NCOA3: variants seen among roughly 807,000 people sequenced by gnomAD.
NCOA3 encodes the protein nuclear receptor coactivator 3, also known as CBP-interacting protein.
A neutral mutation model predicts 158.8 loss-of-function variants in NCOA3; 51 were observed. That is an observed-to-expected ratio of 0.32 (90% CI 0.26 to 0.41). The LOEUF is 0.41. Ranked by LOEUF, NCOA3 falls within the 10% of genes least tolerant of loss-of-function variation. NCOA3 has a pLI of 1.00. For synonymous variants in NCOA3, 537 were observed against 592.4 expected (o/e 0.91, Z 1.36); for missense variants, 1,510 against 1,746.6 (o/e 0.86, Z 2.41).
At chr20:47,539,302 C>T (rs971956199) in intron 1 of NCOA3, among the ~76,000 whole-genome samples, 1 of 152,100 alleles carries the variant, frequency 6.6e-6, no homozygotes, top group African/African-American at 2.4e-5. Flanking sequence ...GTCATACCAT[C>T]GTACTATATG....
At chr20:47,568,836 TC>T (rs570567803) in intron 1 of NCOA3, among the ~76,000 whole-genome samples, 42 of 152,230 alleles carry the variant, frequency 2.8e-4, no homozygotes, top group Admixed American at 2.5e-3. Context: ...TGATTGATCA[TC>T]TTAACATTTA....
At chr20:47,635,213 G>A in intron 10 of NCOA3, 109 bp from the exon 11 acceptor site, 2 of 1,093,278 alleles carry the variant, frequency 1.8e-6, no homozygotes, top group South Asian at 3.6e-5. Context: ...ATAGGTGTTA[G>A]CCACTGTAGC....
chr20:47,505,003 G>GTTTTGTTTTTTTTTTTTTTTTTT (rs2084004592), intron 1 of NCOA3, among the ~76,000 whole-genome samples: 1 of 28,550 alleles, frequency 3.5e-5, no homozygotes, highest in Non-Finnish European at 5.4e-5. Flanking sequence ...TGGGTTTTTG[G>GTTTTGTTTTTTTTTTTTTTTTTT]TTTTTTTTTT....
At position 47,565,375 on chromosome 20, in the gene NCOA3, G is replaced by A. The variant is rs543557710; in HGVS notation, c.-98-17808G>A. Among the ~76,000 whole-genome samples the A allele has an allele frequency of 1.5e-3, 224 of 152,260 alleles. 2 individuals carry two copies. Among genetic ancestry groups the A allele is most frequent in the African/African-American group, 5.1e-3 (211 of 41,556 alleles). ...ATCCAGAGGCAGTGTCACTGGTAGG[G>A]AGGATCTCGATTATTTAGTCTTTGT... On this transcript the variant is annotated intron_variant, in intron 1 of 22. Transcript: ENST00000371998.
intron 2 of NCOA3, among the ~76,000 whole-genome samples, chr20:47,603,656 G>A (rs976638913): frequency 6.6e-6 from 1 of 152,228 alleles, no homozygotes; most frequent in Non-Finnish European, 1.5e-5. Flanking sequence ...GGATGGATGA[G>A]GAGCTGGAAA....
At chr20:47,563,895 A>G (rs959196060) in intron 1 of NCOA3, among the ~76,000 whole-genome samples, 1 of 150,512 alleles carries the variant, frequency 6.6e-6, no homozygotes, top group Non-Finnish European at 1.5e-5. Flanking sequence ...TCTCAAAAAA[A>G]AAAAAAAAAG....
chr20:47,547,675 C>T (rs910111350), intron 1 of NCOA3, among the ~76,000 whole-genome samples: 10 of 151,934 alleles, frequency 6.6e-5, no homozygotes, highest in Non-Finnish European at 1.2e-4. Context: ...GCCTCGGCCT[C>T]CCAAAGTGCT....
At chr20:47,622,921 T>A (rs916208705) in intron 3 of NCOA3, 1 of 152,030 alleles carries the variant, frequency 6.6e-6, no homozygotes, top group Non-Finnish European at 1.5e-5. Context: ...TGGAATGTCA[T>A]CAGTTAAGGC....
intron 9 of NCOA3, 79 bp from the exon 10 acceptor site, chr20:47,633,969 A>G (rs747240655): frequency 2.0e-6 from 3 of 1,512,718 alleles, no homozygotes; most frequent in Non-Finnish European, 2.7e-6. Context: ...TACTTGAAGT[A>G]TATTTCCTCC....
chr20:47,642,165 T>C lies in NCOA3; in HGVS notation c.3081-48T>C, dbSNP rs777028207. The C allele has an allele frequency of 2.1e-6, 3 of 1,403,778 alleles. No individual in the cohort carries two copies. In the South Asian group the frequency reaches 4.4e-5, roughly 21 times the overall value. The allele number at this position is 1,403,778 out of a possible 1,614,324, so 87.0% of individuals were successfully genotyped here. A position where few individuals can be genotyped will look rare whatever the true frequency, so the allele number is the denominator to read the frequency against. On this transcript the variant is annotated intron_variant, in intron 16 of 22. Coordinates refer to ENST00000371998, the MANE Select transcript of NCOA3 (RefSeq NM_181659.3). ...CATGGTTGCTGTGATCTATTACTCT[T>C]AGAAAAAAAAAAAGCACCATTGACA...
At chr20:47,524,660 G>GAC in intron 1 of NCOA3, among the ~76,000 whole-genome samples, 1 of 152,320 alleles carries the variant, frequency 6.6e-6, no homozygotes, top group East Asian at 1.9e-4. Context: ...CAGAGACAGA[G>GAC]GGAGGGGGCT....
intron 1 of NCOA3, among the ~76,000 whole-genome samples, chr20:47,523,754 T>G (rs562663945): frequency 8.5e-5 from 13 of 152,378 alleles, no homozygotes; most frequent in African/African-American, 2.9e-4. Flanking sequence ...TCAGCGATAG[T>G]GAAACTTTCA....
chr20:47,614,768 G>C (rs182070430), intron 2 of NCOA3, among the ~76,000 whole-genome samples: 7 of 152,240 alleles, frequency 4.6e-5, no homozygotes, highest in Admixed American at 4.6e-4. Context: ...AGACCACCAC[G>C]AAGGGCAGTT....
At position 47,547,400 on chromosome 20, in the gene NCOA3, T is replaced by A. The variant is rs1038933590; in HGVS notation, c.-98-35783T>A. Among the ~76,000 whole-genome samples, 5 of 140,162 alleles carry A rather than the reference T, an allele frequency of 3.6e-5. No individual in the cohort carries two copies. The East Asian group carries it at 1.1e-3, about 30-fold the overall frequency. 92.0% of individuals were successfully genotyped at this position (140,162 alleles called of 152,430 possible). On this transcript the variant is annotated intron_variant, in intron 1 of 22. Transcript: ENST00000371998. Reference sequence around the variant, plus strand: ...CTAGTTTTTGTTGATTTTATTTTATTTTTATATTATTATTATTATTATTAT... The same window carrying A: ...CTAGTTTTTGTTGATTTTATTTTATATTTATATTATTATTATTATTATTAT...
rs1483909054 is a variant in NCOA3 at position 47,511,538 on chromosome 20, T to C, written c.-99+9519T>C. Among the ~76,000 whole-genome samples the C allele has an allele frequency of 3.8e-4, 9 of 23,378 alleles. No individual in the cohort carries two copies. The East Asian group carries it at 0.018, about 47-fold the overall frequency. 15.3% of individuals were successfully genotyped at this position (23,378 alleles called of 152,430 possible). On this transcript the variant is annotated intron_variant, in intron 1 of 22. Coordinates refer to ENST00000371998, the MANE Select transcript of NCOA3 (RefSeq NM_181659.3). ...ATCTCTCTCGAGATATATATATATATATATATATATATATATATTTCTTTT... is the reference window on the plus strand; with the variant it reads ...ATCTCTCTCGAGATATATATATATACATATATATATATATATATTTCTTTT...
rs200459718 is a variant in NCOA3, at chr20:47,547,410, T to TTAA, written c.-98-35771_-98-35770insATA. ...TTGATTTTATTTTATTTTTATATTA[T>TTAA]TATTATTATTATTATTATTTTAGAC... On this transcript the variant is annotated intron_variant, in intron 1 of 22. Transcript: ENST00000371998. 4.1e-3 allele frequency among the ~76,000 whole-genome samples: 610 copies of TTAA among 150,484 alleles called. 3 individuals are homozygous for TTAA. Among genetic ancestry groups the TTAA allele is most frequent in the Non-Finnish European group, 6.1e-3 (412 of 67,610 alleles).
At chr20:47,633,704 C>T in intron 9 of NCOA3, 68 bp downstream of exon 9, 1 of 1,524,416 alleles carries the variant, frequency 6.6e-7, no homozygotes, top group Non-Finnish European at 8.9e-7. Context: ...GCTATCTTGC[C>T]CAGGCTGGAC....
In NCOA3 at chr20:47,641,490, CTTTTTTTTTTTT is replaced by C. The variant is rs71183270; in HGVS notation, c.3081-706_3081-695del. Among the ~76,000 whole-genome samples the C allele has an allele frequency of 3.1e-3, 151 of 48,368 alleles. 2 individuals are homozygous for C. The highest frequency in any genetic ancestry group is 4.2e-3 in the Non-Finnish European group (119 of 28,258). 31.7% of individuals were successfully genotyped at this position (48,368 alleles called of 152,430 possible). A position where few individuals can be genotyped will look rare whatever the true frequency, so the allele number is the denominator to read the frequency against. On this transcript the variant is annotated intron_variant, in intron 16 of 22. Transcript: ENST00000371998. ...GTCAGCCACCACGCCTGGCTCCCTTCTTTTTTTTTTTTTTTTTTTTTTTTTTTTGAGACAAAG... is the reference window on the plus strand; with the variant it reads ...GTCAGCCACCACGCCTGGCTCCCTTCTTTTTTTTTTTTTTTTGAGACAAAG...
rs762014429 is a variant in NCOA3, at chr20:47,651,083, GCAGCAGCAA to G, written c.3762_3770del (p.Gln1274_Gln1276del). On this transcript the variant is annotated inframe_deletion, in exon 20 of 23. Coordinates refer to ENST00000371998, the MANE Select transcript of NCOA3 (RefSeq NM_181659.3). ...TGGCTATGATGATGCAGCAGCAGCA[GCAGCAGCAA>G]CAGCAGCAGCAGCAGCAGCAGCAGC... is the stretch of plus-strand genomic sequence containing the variant. 42 of 1,362,966 alleles carry G rather than the reference GCAGCAGCAA, an allele frequency of 3.1e-5. No homozygotes were observed. The highest frequency in any genetic ancestry group is 5.0e-5 in the South Asian group (4 of 80,172). The allele number at this position is 1,362,966 out of a possible 1,614,324, so 84.4% of individuals were successfully genotyped here. A position where few individuals can be genotyped will look rare whatever the true frequency, so the allele number is the denominator to read the frequency against.
Sources: gnomAD v4.1 joint callset for allele counts (sites outside exome capture counted in the v4.1 genomes callset) on GRCh38, gnomAD v4.1.1 for gene constraint, MANE v1.5 for transcripts, NCBI Gene and HGNC (gene_info 2026-07-23, HGNC 2026-07-21) for gene names.